The following ENOX1 variants were observed in gnomAD, a reference collection of about 807,000 sequenced individuals.
ENOX1 encodes candidate growth-related and time keeping constitutive hydroquinone (NADH) oxidase.
ENOX1 carries 42 observed loss-of-function variants against 82.5 expected under a neutral mutation model. The observed-to-expected ratio is 0.51, with a 90% CI of 0.40 to 0.66. The LOEUF (loss-of-function observed/expected upper bound fraction) is 0.66. ENOX1 is among the 30% of genes least tolerant of loss of function. The pLI is 0.00. For synonymous variants in ENOX1, 271 were observed against 282.2 expected, an observed-to-expected ratio of 0.96 and a Z score of 0.40; for missense variants, 608 against 811.6, an observed-to-expected ratio of 0.75 and a Z score of 3.05.
At chr13:43,764,125 A>C (rs1287011330) in intron 1 of ENOX1, among the ~76,000 whole-genome samples, 1 of 152,220 alleles carries the variant, frequency 6.6e-6, no homozygotes, top group Non-Finnish European at 1.5e-5. Context: ...TAATTTTGCC[A>C]AAACGAGGTC....
chr13:43,625,703 A>T (rs1459322345), intron 2 of ENOX1, among the ~76,000 whole-genome samples: 2 of 151,066 alleles, frequency 1.3e-5, no homozygotes, highest in Admixed American at 1.3e-4. Flanking sequence ...CCACTAGGTT[A>T]TGGTAAACAA....
chr13:43,287,335 A>C (rs977423819), intron 12 of ENOX1, among the ~76,000 whole-genome samples: 4 of 152,182 alleles, frequency 2.6e-5, no homozygotes, highest in African/African-American at 9.7e-5. Context: ...TTTAAGCCTC[A>C]ACATCTTTTC....
intron 2 of ENOX1, among the ~76,000 whole-genome samples, chr13:43,494,756 G>GT (rs897327816): frequency 6.6e-6 from 1 of 152,136 alleles, no homozygotes; most frequent in African/African-American, 2.4e-5. Flanking sequence ...AATTAAAAGT[G>GT]TTTTTGAAGA....
At chr13:43,630,086 T>A (rs2083136727) in intron 2 of ENOX1, among the ~76,000 whole-genome samples, 1 of 152,204 alleles carries the variant, frequency 6.6e-6, no homozygotes, top group Admixed American at 6.5e-5. Context: ...TTGGGACTAT[T>A]CCCTAATCCC....
chr13:43,374,115 C>G (rs2051440404), intron 5 of ENOX1, among the ~76,000 whole-genome samples: 1 of 150,088 alleles, frequency 6.7e-6, no homozygotes, highest in African/African-American at 2.5e-5. Context: ...CTTCCCCTCC[C>G]TTCCCCTCCT....
At position 43,733,917 on chromosome 13, in the gene ENOX1, C is replaced by T. The variant is rs561635250; in HGVS notation, c.-285+52735G>A. Among the ~76,000 whole-genome samples the T allele has an allele frequency of 9.2e-5, 14 of 152,170 alleles. No individual in the cohort carries two copies. In the South Asian group the frequency reaches 2.9e-3, roughly 32 times the overall value. ...AAGGTTACAGTGAGCTATGACTGTG[C>T]CACTGCAATACAGCCTGGGTGCCAG... On this transcript the variant is annotated intron_variant, in intron 1 of 16. Transcript: ENST00000690772.
intron 2 of ENOX1, among the ~76,000 whole-genome samples, chr13:43,659,468 C>T (rs1445671637): frequency 2.0e-5 from 3 of 151,284 alleles, no homozygotes; most frequent in South Asian, 2.1e-4. Context: ...CCAGCCTGGA[C>T]GACAGAGTGA....
chr13:43,572,196 C>A (rs1308501254), intron 2 of ENOX1, among the ~76,000 whole-genome samples: 1 of 152,140 alleles, frequency 6.6e-6, no homozygotes, highest in Non-Finnish European at 1.5e-5. Context: ...ACCAGCCCTT[C>A]CATGCTCACA....
intron 8 of ENOX1, among the ~76,000 whole-genome samples, chr13:43,348,845 A>G (rs1040519385): frequency 2.6e-5 from 4 of 152,244 alleles, no homozygotes; most frequent in Non-Finnish European, 2.9e-5. Context: ...CTTTACGTGA[A>G]AAGGTAAAAG....
rs571713602 is a variant in ENOX1 at position 43,483,003 on chromosome 13, C to T, written c.-75+1006G>A. Among the ~76,000 whole-genome samples the T allele has an allele frequency of 3.5e-4, 54 of 152,140 alleles. No homozygotes were observed. The South Asian group carries it at 0.011, about 31-fold the overall frequency. Reference sequence around the variant, plus strand: ...GTACAGTGGGAAAACTGGAGTCTAGCCCAGCACTACAGTAACATCTACTTT... The same window carrying T: ...GTACAGTGGGAAAACTGGAGTCTAGTCCAGCACTACAGTAACATCTACTTT... On this transcript the variant is annotated intron_variant, in intron 3 of 16. Coordinates refer to ENST00000690772, the MANE Select transcript of ENOX1 (RefSeq NM_001347969.2).
At chr13:43,597,304 G>A (rs938739501) in intron 2 of ENOX1, among the ~76,000 whole-genome samples, 10 of 152,186 alleles carry the variant, frequency 6.6e-5, no homozygotes, top group Non-Finnish European at 1.5e-4. Flanking sequence ...ATGATATCAT[G>A]GAGCCTACCA....
At chr13:43,479,553 T>C (rs2058428276) in intron 3 of ENOX1, among the ~76,000 whole-genome samples, 1 of 152,218 alleles carries the variant, frequency 6.6e-6, no homozygotes, top group African/African-American at 2.4e-5. Flanking sequence ...CATGTTCCTA[T>C]ATCAAGAAAA....
intron 16 of ENOX1, among the ~76,000 whole-genome samples, chr13:43,218,541 C>T (rs990277611): frequency 6.6e-6 from 1 of 152,158 alleles, no homozygotes; most frequent in Admixed American, 6.5e-5. Context: ...CAAGAGGATT[C>T]CTTGAGCACA....
At chr13:43,357,718 A>G (rs1341709241) in intron 7 of ENOX1, among the ~76,000 whole-genome samples, 2 of 152,042 alleles carry the variant, frequency 1.3e-5, no homozygotes, top group African/African-American at 2.4e-5. Context: ...AAACACCCTC[A>G]CTTTCACAGA....
At chr13:43,773,899 C>G (rs766383283) in intron 1 of ENOX1, among the ~76,000 whole-genome samples, 4 of 152,108 alleles carry the variant, frequency 2.6e-5, no homozygotes, top group Non-Finnish European at 4.4e-5. Context: ...GAATATCTAG[C>G]ATGCTTTTCT....
intron 15 of ENOX1, 126 bp downstream of exon 15, chr13:43,236,510 T>C (rs1474767483): frequency 5.2e-6 from 3 of 579,386 alleles, no homozygotes; most frequent in Non-Finnish European, 8.6e-6. Context: ...ATAATCTTGA[T>C]GAAATTAATC....
chr13:43,260,832 AAAC>A (rs983397441), intron 14 of ENOX1, among the ~76,000 whole-genome samples: 39 of 152,320 alleles, frequency 2.6e-4, no homozygotes, highest in African/African-American at 9.4e-4. Context: ...ATTGGGTCTG[AAAC>A]AACTGAAATC....
Position 43,465,571 on chromosome 13 carries a change from C to T in ENOX1, c.-75+18438G>A, listed in dbSNP as rs528967554. 6.6e-5 allele frequency among the ~76,000 whole-genome samples: 10 copies of T among 152,240 alleles called. No individual in the cohort carries two copies. In the East Asian group the frequency reaches 9.7e-4, roughly 15 times the overall value. On this transcript the variant is annotated intron_variant, in intron 3 of 16. Coordinates refer to ENST00000690772, the MANE Select transcript of ENOX1 (RefSeq NM_001347969.2). ...ATTGGAGGATAATATTTAGAAACCA[C>T]GGTCTGGGCACTGCATGTGCTTGAT...
chr13:43,361,439 GAC>G lies in ENOX1; in HGVS notation c.220_221del (p.Val74ProfsTer4). 1 of 1,611,606 alleles carries G rather than the reference GAC, an allele frequency of 6.2e-7. No individual in the cohort carries two copies. The highest frequency in any genetic ancestry group is 8.5e-7 in the Non-Finnish European group (1 of 1,179,434). ...TGTTGAGGCTTGGATCAAAGCCTGG[GAC>G]ACAGATTGAGTCTGTAAAGTATACA... is the stretch of plus-strand genomic sequence containing the variant. ...GQQLVSDSIC[V>X]PGFDPSLNMM... On this transcript the variant is annotated frameshift_variant, in exon 6 of 17. Transcript: ENST00000690772. LOFTEE classifies it high-confidence loss of function.
Sources: gnomAD v4.1 joint callset for allele counts (sites outside exome capture counted in the v4.1 genomes callset) on GRCh38, gnomAD v4.1.1 for gene constraint, MANE v1.5 for transcripts, NCBI Gene and HGNC (gene_info 2026-07-23, HGNC 2026-07-21) for gene names.